RANBP2: variants seen among roughly 807,000 people sequenced by gnomAD.
RANBP2 encodes the protein E3 SUMO-protein ligase RanBP2.
RANBP2 carries 57 observed loss-of-function variants against 303.6 expected under a neutral mutation model. That is an observed-to-expected ratio of 0.19 (90% CI 0.15 to 0.23). The LOEUF (loss-of-function observed/expected upper bound fraction) is 0.23. Among genes scored for constraint, RANBP2 ranks in the 10% least tolerant of loss-of-function variants. RANBP2 has a pLI of 1.00. For missense variants in RANBP2, 3,138 were observed against 3,780.8 expected, an observed-to-expected ratio of 0.83 and a Z score of 4.46; for synonymous variants, 1,167 against 1,301.5, an observed-to-expected ratio of 0.90 and a Z score of 2.23.
the RANBP2 span, among the ~76,000 whole-genome samples, chr2:108,962,698 A>AC: frequency 7.9e-6 from 1 of 126,034 alleles, no homozygotes; most frequent in African/African-American, 3.1e-5. Flanking sequence ...AAAAAAAAAA[A>AC]AAAGAGAGAA....
chr2:108,721,332 T>C (rs1289017907), intron 1 of RANBP2, among the ~76,000 whole-genome samples: 1 of 152,228 alleles, frequency 6.6e-6, no homozygotes, highest in African/African-American at 2.4e-5. Flanking sequence ...TACTTGTACA[T>C]TGTAATTTCA....
At chr2:109,304,681 G>A in the RANBP2 span, among the ~76,000 whole-genome samples, 6 of 152,132 alleles carry the variant, frequency 3.9e-5, no homozygotes, top group South Asian at 2.1e-4. Flanking sequence ...TGATTTCTCC[G>A]TCTCACTAGC....
chr2:109,413,249 G>A, the RANBP2 span, among the ~76,000 whole-genome samples: 2 of 152,144 alleles, frequency 1.3e-5, no homozygotes, highest in African/African-American at 4.8e-5. Context: ...CAAGTAACTG[G>A]GATTACAGGT....
the RANBP2 span, among the ~76,000 whole-genome samples, chr2:109,099,172 G>C: frequency 5.3e-5 from 8 of 152,302 alleles, no homozygotes; most frequent in South Asian, 1.2e-3. Flanking sequence ...ATATTCACAA[G>C]GTGGGGCGTG....
chr2:109,603,757 A>G, the RANBP2 span, among the ~76,000 whole-genome samples: 4 of 152,202 alleles, frequency 2.6e-5, no homozygotes, highest in African/African-American at 9.6e-5. Flanking sequence ...CAGAGACTTG[A>G]TGAAGAAACA....
At chr2:108,958,057 CA>C in the RANBP2 span, among the ~76,000 whole-genome samples, 4 of 152,082 alleles carry the variant, frequency 2.6e-5, no homozygotes, top group Non-Finnish European at 4.4e-5. Context: ...CCAAAGCTGC[CA>C]AATTACCATG....
the RANBP2 span, among the ~76,000 whole-genome samples, chr2:109,369,266 T>C: frequency 6.6e-6 from 1 of 152,038 alleles, no homozygotes; most frequent in East Asian, 1.9e-4. Flanking sequence ...GGGGAATCAC[T>C]TGAACCCAGG....
the RANBP2 span, among the ~76,000 whole-genome samples, chr2:109,199,623 G>GAACCC: frequency 0.01 from 1 of 96 alleles, no homozygotes. Flanking sequence ...GGAATGGAAT[G>GAACCC]GAATGGAATG....
chr2:109,462,594 G>C, the RANBP2 span, among the ~76,000 whole-genome samples: 3 of 152,138 alleles, frequency 2.0e-5, no homozygotes, highest in Non-Finnish European at 4.4e-5. Context: ...AGTACCTCTA[G>C]GAATGCATAT....
At chr2:108,982,787 G>A in the RANBP2 span, among the ~76,000 whole-genome samples, 3 of 152,216 alleles carry the variant, frequency 2.0e-5, no homozygotes, top group East Asian at 5.8e-4. Context: ...CCTTGCTTTG[G>A]TTACGTCTGC....
the RANBP2 span, among the ~76,000 whole-genome samples, chr2:109,691,245 C>T: frequency 0.75 from 114,230 of 152,078 alleles, 43,471 homozygotes; most frequent in East Asian, 0.99. Flanking sequence ...CAGCTGTGGA[C>T]TATTGGGAGA....
At chr2:108,814,898 A>C in the RANBP2 span, among the ~76,000 whole-genome samples, 1 of 152,108 alleles carries the variant, frequency 6.6e-6, no homozygotes, top group South Asian at 2.1e-4. Context: ...TGCCTCCCAA[A>C]GTGCTGGGAT....
At chr2:109,417,937 G>A in the RANBP2 span, among the ~76,000 whole-genome samples, 2 of 152,170 alleles carry the variant, frequency 1.3e-5, no homozygotes, top group Non-Finnish European at 2.9e-5. Context: ...CCTAAGCTAA[G>A]AAGGTGGTGT....
the RANBP2 span, among the ~76,000 whole-genome samples, chr2:109,103,221 G>A: frequency 3.3e-5 from 5 of 152,182 alleles, no homozygotes; most frequent in East Asian, 1.9e-4. Flanking sequence ...TATAACTACC[G>A]TGATGGTGTT....
chr2:109,539,186 T>C, the RANBP2 span, among the ~76,000 whole-genome samples: 5 of 151,824 alleles, frequency 3.3e-5, no homozygotes, highest in African/African-American at 1.2e-4. Context: ...TAGTCCCAAC[T>C]ATTCGGAAGG....
At chr2:109,243,309 C>T in the RANBP2 span, among the ~76,000 whole-genome samples, 9 of 152,264 alleles carry the variant, frequency 5.9e-5, no homozygotes, top group African/African-American at 1.9e-4. Context: ...CTGAGACTCC[C>T]GTGTGCTTTT....
chr2:109,238,704 G>A, the RANBP2 span, among the ~76,000 whole-genome samples: 1 of 152,182 alleles, frequency 6.6e-6, no homozygotes, highest in Admixed American at 6.5e-5. Context: ...ACAGAGGACC[G>A]GATGCCCTTG....
the RANBP2 span, chr2:108,846,771 G>T: frequency 6.2e-7 from 1 of 1,612,734 alleles, no homozygotes; most frequent in South Asian, 1.1e-5. Context: ...GAGGAGATTG[G>T]GTGAAGACAT....
the RANBP2 span, among the ~76,000 whole-genome samples, chr2:109,432,856 A>G: frequency 6.6e-6 from 1 of 152,224 alleles, no homozygotes; most frequent in Non-Finnish European, 1.5e-5. Flanking sequence ...CTGGGTTTGC[A>G]CTCAACTCCT....
Sources: allele counts gnomAD v4.1 joint callset (sites outside exome capture counted in the v4.1 genomes callset), GRCh38; gene constraint gnomAD v4.1.1; transcripts MANE v1.5; gene names NCBI Gene and HGNC (gene_info 2026-07-23, HGNC 2026-07-21).